UBAC2: variants seen among roughly 807,000 people sequenced by gnomAD.
UBAC2 encodes the protein ubiquitin-associated domain-containing protein 2.
In UBAC2, 26 loss-of-function variants were observed where a neutral mutation model predicts 44.0. That is an observed-to-expected ratio of 0.59 (90% CI 0.43 to 0.82). The LOEUF is 0.82. UBAC2 is among the 40% of genes least tolerant of loss of function. The pLI, the probability that UBAC2 is intolerant of heterozygous loss-of-function variation, is 0.00. For synonymous variants in UBAC2, 155 were observed against 154.3 expected, an observed-to-expected ratio of 1.00 and a Z score of -0.04; for missense variants, 329 against 419.4, an observed-to-expected ratio of 0.78 and a Z score of 1.88.
intron 7 of UBAC2, among the ~76,000 whole-genome samples, chr13:99,356,382 C>G (rs1389119390): frequency 6.6e-6 from 1 of 152,190 alleles, no homozygotes; most frequent in Non-Finnish European, 1.5e-5. Context: ...AGAGGGCAGC[C>G]GATAGTTGGA....
chr13:99,250,457 C>T (rs537671678), intron 4 of UBAC2, among the ~76,000 whole-genome samples: 2 of 152,292 alleles, frequency 1.3e-5, no homozygotes, highest in Non-Finnish European at 2.9e-5. Context: ...GTTTTGCTTA[C>T]TGTAGCCTTA....
intron 4 of UBAC2, among the ~76,000 whole-genome samples, chr13:99,265,053 A>G (rs1463285070): frequency 4.0e-5 from 6 of 151,260 alleles, no homozygotes; most frequent in Non-Finnish European, 5.9e-5. Flanking sequence ...TCTTGGAGAC[A>G]TTATAATCAA....
At position 99,295,180 on chromosome 13, in the gene UBAC2, C is replaced by G; in HGVS notation, c.390-18917C>G. On this transcript the variant is annotated intron_variant, in intron 4 of 8. Transcript: ENST00000403766. The surrounding 1 kb of genome is among the most constrained non-coding windows in gnomAD (Gnocchi z 4.1). ...TCGATACACTGACTTGCCGTTTCAG[C>G]ATCCTCATAACCTTTCTCTTATACC... 2 of 1,614,138 alleles carry G rather than the reference C, an allele frequency of 1.2e-6. No individual in the cohort carries two copies. Among genetic ancestry groups the G allele is most frequent in the Non-Finnish European group, 8.5e-7 (1 of 1,180,006 alleles).
intron 7 of UBAC2, among the ~76,000 whole-genome samples, chr13:99,365,998 T>C (rs1199317740): frequency 6.6e-6 from 1 of 152,236 alleles, no homozygotes; most frequent in Non-Finnish European, 1.5e-5. Context: ...TCTATTTATT[T>C]GGCATGAATG....
chr13:99,264,104 G>C (rs2043707854), intron 4 of UBAC2, among the ~76,000 whole-genome samples: 1 of 152,196 alleles, frequency 6.6e-6, no homozygotes, highest in Non-Finnish European at 1.5e-5. Flanking sequence ...GATCAAGGAA[G>C]GGAGAGGTTA....
chr13:99,314,222 T>C lies in UBAC2; in HGVS notation c.513+2T>C, dbSNP rs748828348. 2 of 1,597,424 alleles carry C rather than the reference T, an allele frequency of 1.3e-6. No individual in the cohort carries two copies. The highest frequency in any genetic ancestry group is 4.5e-5 in the East Asian group (2 of 44,646). Reference sequence around the variant, plus strand: ...TTGATTTATATATTGGGACTGCAGGTACAGTATGCATTTTTATGTTCACTT... The same window carrying C: ...TTGATTTATATATTGGGACTGCAGGCACAGTATGCATTTTTATGTTCACTT... On this transcript the variant is annotated splice_donor_variant, in intron 5 of 8. Transcript: ENST00000403766. LOFTEE classifies it high-confidence loss of function.
At chr13:99,262,662 T>TGAG (rs919740684) in intron 4 of UBAC2, among the ~76,000 whole-genome samples, 2 of 122,258 alleles carry the variant, frequency 1.6e-5, no homozygotes, top group African/African-American at 6.4e-5. Context: ...AAGAATGCAG[T>TGAG]GAGCTGAGGC....
At chr13:99,294,869 A>G in intron 4 of UBAC2, 1 of 474,140 alleles carries the variant, frequency 2.1e-6, no homozygotes, top group Non-Finnish European at 3.6e-6. Flanking sequence ...TTGCATTTTT[A>G]TTGTGCTTTA....
intron 4 of UBAC2, among the ~76,000 whole-genome samples, chr13:99,288,513 C>G (rs1295934306): frequency 6.6e-6 from 1 of 152,188 alleles, no homozygotes; most frequent in Non-Finnish European, 1.5e-5. Context: ...TTTCTAACAA[C>G]TACAGTATTG....
intron 8 of UBAC2, among the ~76,000 whole-genome samples, chr13:99,373,646 G>A (rs2045439849): frequency 6.6e-6 from 1 of 152,254 alleles, no homozygotes; most frequent in South Asian, 2.1e-4. Context: ...CAGGGCAGTG[G>A]TGTTGCAGAG....
intron 4 of UBAC2, 28 bp downstream of exon 4, chr13:99,244,652 T>C (rs2043359687): frequency 1.5e-6 from 2 of 1,337,468 alleles, no homozygotes; most frequent in East Asian, 4.6e-5. Context: ...ATTGACTTAA[T>C]TTAGAACTAC....
intron 1 of UBAC2, among the ~76,000 whole-genome samples, chr13:99,216,603 A>G (rs72648075): frequency 0.068 from 10,277 of 152,156 alleles, 491 homozygotes; most frequent in East Asian, 0.13. Context: ...AATGCCCTCA[A>G]TTCTCCCGAA....
At chr13:99,349,878 GA>G (rs888384681) in intron 7 of UBAC2, among the ~76,000 whole-genome samples, 3 of 152,142 alleles carry the variant, frequency 2.0e-5, no homozygotes, top group Admixed American at 2.0e-4. Context: ...CCTCCCACAA[GA>G]AGGTGGTGGA....
intron 2 of UBAC2, 34 bp from the exon 3 acceptor site, chr13:99,243,798 C>A: frequency 6.5e-7 from 1 of 1,540,384 alleles, no homozygotes; most frequent in South Asian, 1.2e-5. Context: ...AAATTTTACT[C>A]TTGTTTATTG....
intron 4 of UBAC2, among the ~76,000 whole-genome samples, chr13:99,309,270 C>T (rs564826293): frequency 6.6e-6 from 1 of 152,176 alleles, no homozygotes; most frequent in Non-Finnish European, 1.5e-5. Flanking sequence ...GCCACCATGC[C>T]CAGCTAATTT....
chr13:99,338,050 T>TTTTC (rs2044822889), intron 6 of UBAC2, among the ~76,000 whole-genome samples: 4 of 56,420 alleles, frequency 7.1e-5, no homozygotes, highest in African/African-American at 1.8e-4. Flanking sequence ...TTTTTTTCTT[T>TTTTC]TTTTTTTTTT....
At chr13:99,215,569 CG>C in intron 1 of UBAC2, 2 of 1,391,416 alleles carry the variant, frequency 1.4e-6, no homozygotes, top group Non-Finnish European at 2.0e-6. Flanking sequence ...AGTCCCTCTG[CG>C]GTGAGGTACT....
At chr13:99,243,514 T>C in intron 2 of UBAC2, among the ~76,000 whole-genome samples, 1 of 152,176 alleles carries the variant, frequency 6.6e-6, no homozygotes, top group East Asian at 1.9e-4. Context: ...CATTCTAGTT[T>C]ACGTATATAA....
intron 4 of UBAC2, chr13:99,255,390 T>C: frequency 6.2e-7 from 1 of 1,614,126 alleles, no homozygotes; most frequent in East Asian, 2.2e-5. Flanking sequence ...TATCTGGGTC[T>C]TTATAGAGCA....
Sources: allele counts gnomAD v4.1 joint callset (sites outside exome capture counted in the v4.1 genomes callset), GRCh38; gene constraint gnomAD v4.1.1; non-coding constraint Gnocchi (gnomAD v3.1); transcripts MANE v1.5; gene names NCBI Gene and HGNC (gene_info 2026-07-23, HGNC 2026-07-21).